Variants in CYYR1 observed in about 807,000 individuals in gnomAD.
CYYR1 encodes cysteine and tyrosine-rich protein 1.
A neutral mutation model predicts 15.2 loss-of-function variants in CYYR1; 14 were observed. The ratio of observed to expected loss-of-function variants is 0.92; its 90% CI spans 0.61 to 1.44. The LOEUF (loss-of-function observed/expected upper bound fraction) is 1.44. Ranked by LOEUF, CYYR1 falls within the 40% of genes most tolerant of loss-of-function variation. CYYR1 has a pLI of 0.00. For missense variants in CYYR1, 228 were observed against 209.5 expected (o/e 1.09, Z -0.54); for synonymous variants, 80 against 77.4 (o/e 1.03, Z -0.18).
intron 1 of CYYR1, among the ~76,000 whole-genome samples, chr21:26,570,997 A>T (rs1980974573): frequency 6.6e-6 from 1 of 152,190 alleles, no homozygotes; most frequent in South Asian, 2.1e-4. Context: ...CAAAATAGAC[A>T]TTGTCCTCAT....
chr21:26,505,430 C>G (rs1193038964), intron 2 of CYYR1, among the ~76,000 whole-genome samples: 1 of 152,158 alleles, frequency 6.6e-6, no homozygotes, highest in African/African-American at 2.4e-5. Flanking sequence ...ACAGACAGAC[C>G]CAAATTTCTG....
intron 2 of CYYR1, among the ~76,000 whole-genome samples, chr21:26,529,987 C>A (rs112811912): frequency 0.012 from 1,835 of 152,238 alleles, 30 homozygotes; most frequent in African/African-American, 0.042. Context: ...TAATATATAT[C>A]AACGGAAATA....
chr21:26,510,406 G>A (rs2065630981), intron 2 of CYYR1, among the ~76,000 whole-genome samples: 1 of 152,138 alleles, frequency 6.6e-6, no homozygotes, highest in South Asian at 2.1e-4. Flanking sequence ...ATCAGCACTG[G>A]TTTATTTTGT....
intron 2 of CYYR1, among the ~76,000 whole-genome samples, chr21:26,562,799 A>C (rs28444577): frequency 8.5e-4 from 113 of 132,518 alleles, no homozygotes; most frequent in East Asian, 1.2e-3. Flanking sequence ...GACATACACA[A>C]ACACACACAC....
intron 1 of CYYR1, among the ~76,000 whole-genome samples, chr21:26,569,570 T>A (rs1470852881): frequency 6.6e-6 from 1 of 152,124 alleles, no homozygotes; most frequent in South Asian, 2.1e-4. Flanking sequence ...AATCTGCACA[T>A]GTACTCCCTG....
chr21:26,538,581 C>G (rs978453946), intron 2 of CYYR1, among the ~76,000 whole-genome samples: 1 of 151,838 alleles, frequency 6.6e-6, no homozygotes, highest in East Asian at 1.9e-4. Flanking sequence ...TTGTTTTGCT[C>G]TCTATCTCTA....
At chr21:26,537,146 A>T (rs1360403313) in intron 2 of CYYR1, among the ~76,000 whole-genome samples, 1 of 152,098 alleles carries the variant, frequency 6.6e-6, no homozygotes, top group Non-Finnish European at 1.5e-5. Context: ...CATAGGAGTA[A>T]ATATAGGAAA....
chr21:26,568,740 A>T (rs1379320785), intron 1 of CYYR1: 3 of 152,234 alleles, frequency 2.0e-5, no homozygotes, highest in Non-Finnish European at 4.4e-5. Flanking sequence ...ATCTATAAGG[A>T]GGTTAAATAA....
At chr21:26,474,058 T>C (rs1413796426) in intron 3 of CYYR1, among the ~76,000 whole-genome samples, 1 of 150,676 alleles carries the variant, frequency 6.6e-6, no homozygotes, top group African/African-American at 2.4e-5. Flanking sequence ...GTTTTTTTTT[T>C]TTTTTTGAGA....
chr21:26,553,132 G>GATA (rs1979512904), intron 2 of CYYR1, among the ~76,000 whole-genome samples: 1 of 152,020 alleles, frequency 6.6e-6, no homozygotes, highest in Non-Finnish European at 1.5e-5. Flanking sequence ...TATAGAGGTT[G>GATA]ATAATTCTAT....
intron 2 of CYYR1, among the ~76,000 whole-genome samples, chr21:26,489,038 A>C (rs2123434378): frequency 6.6e-6 from 1 of 152,306 alleles, no homozygotes; most frequent in African/African-American, 2.4e-5. Flanking sequence ...AAAAGCAAAT[A>C]TTTAATGTGG....
chr21:26,508,861 T>A (rs1448497358), intron 2 of CYYR1, among the ~76,000 whole-genome samples: 11 of 152,208 alleles, frequency 7.2e-5, no homozygotes, highest in Non-Finnish European at 1.6e-4. Flanking sequence ...AGATAGAAGC[T>A]TGATTATCAT....
chr21:26,532,200 T>G (rs746617801), intron 2 of CYYR1, among the ~76,000 whole-genome samples: 3 of 152,130 alleles, frequency 2.0e-5, no homozygotes, highest in Non-Finnish European at 1.5e-5. Context: ...GATGATGAAA[T>G]AGCTGAAATG....
rs2064991112 is a variant in CYYR1, at chr21:26,468,195, C to T, written c.*306G>A. 1 of 349,966 alleles carries T rather than the reference C, an allele frequency of 2.9e-6. No individual in the cohort carries two copies. The highest frequency in any genetic ancestry group is 5.4e-6 in the Non-Finnish European group (1 of 183,890). 21.7% of individuals were successfully genotyped at this position (349,966 alleles called of 1,614,324 possible). ...GGATCAATACTGAAACTTTCTTCAC[C>T]TAGCCCTTAAACAACATGATTATCA... On this transcript the variant is annotated 3_prime_UTR_variant, in exon 4 of 4. Transcript: ENST00000652641.
At chr21:26,566,193 C>A in intron 2 of CYYR1, 73 bp downstream of exon 2, 1 of 1,145,284 alleles carries the variant, frequency 8.7e-7, no homozygotes, top group Middle Eastern at 1.9e-4. Flanking sequence ...TCACTTAGTA[C>A]TTTTAAAAGA....
intron 2 of CYYR1, among the ~76,000 whole-genome samples, chr21:26,545,980 C>G (rs1355771019): frequency 6.6e-6 from 1 of 151,998 alleles, no homozygotes; most frequent in South Asian, 2.1e-4. Flanking sequence ...CCTGGCTGTC[C>G]AGGTTGAATA....
intron 2 of CYYR1, among the ~76,000 whole-genome samples, chr21:26,499,181 C>T (rs1211564978): frequency 6.6e-6 from 1 of 152,144 alleles, no homozygotes; most frequent in African/African-American, 2.4e-5. Context: ...AGGGTCTTTG[C>T]AGGTGTAATT....
At chr21:26,492,212 T>A (rs958619492) in intron 2 of CYYR1, among the ~76,000 whole-genome samples, 3 of 152,256 alleles carry the variant, frequency 2.0e-5, no homozygotes, top group Non-Finnish European at 4.4e-5. Flanking sequence ...TTTCTGAGTT[T>A]TATGTCTATC....
chr21:26,489,749 A>G (rs566224917), intron 2 of CYYR1, among the ~76,000 whole-genome samples: 4 of 152,248 alleles, frequency 2.6e-5, no homozygotes, highest in Admixed American at 6.5e-5. Context: ...TGCTATGTAC[A>G]TGAAAGTGAT....
Sources: gnomAD v4.1 joint callset for allele counts (sites outside exome capture counted in the v4.1 genomes callset) on GRCh38, gnomAD v4.1.1 for gene constraint, MANE v1.5 for transcripts, NCBI Gene and HGNC (gene_info 2026-07-23, HGNC 2026-07-21) for gene names.